The following ARHGEF26 variants were observed in gnomAD, a reference collection of about 807,000 sequenced individuals.
ARHGEF26 encodes Rho guanine nucleotide exchange factor 26.
Under a neutral mutation model 89.4 loss-of-function variants are expected in ARHGEF26, and 59 were observed. That is an observed-to-expected ratio of 0.66 (90% CI 0.54 to 0.82). The LOEUF (loss-of-function observed/expected upper bound fraction) is 0.82, where lower values mean the gene tolerates loss of function less well. Among genes scored for constraint, ARHGEF26 ranks in the 40% least tolerant of loss-of-function variants. ARHGEF26 has a pLI of 0.00. For missense variants in ARHGEF26, 1,234 were observed against 1,085.6 expected (o/e 1.14, Z -1.92); for synonymous variants, 500 against 428.4 (o/e 1.17, Z -2.06).
Position 154,256,733 on chromosome 3 carries a change from A to T in ARHGEF26, c.*1260A>T. ...AAATTAGGCCTTAAAAGATACCAAG[A>T]AGTCAGCATGGTACCCAATTGAAAC... On this transcript the variant is annotated 3_prime_UTR_variant, in exon 15 of 15. Transcript: ENST00000465093. The T allele has an allele frequency of 7.2e-7, 1 of 1,379,502 alleles. No individual in the cohort carries two copies. The allele number at this position is 1,379,502 out of a possible 1,614,324, so 85.5% of individuals were successfully genotyped here. A position where few individuals can be genotyped will look rare whatever the true frequency, so the allele number is the denominator to read the frequency against.
intron 9 of ARHGEF26, among the ~76,000 whole-genome samples, chr3:154,208,607 C>T (rs1005301160): frequency 2.6e-5 from 4 of 151,982 alleles, no homozygotes; most frequent in Non-Finnish European, 5.9e-5. Flanking sequence ...TTTCTAGCTC[C>T]TGTAGCCATG....
At chr3:154,140,099 A>G (rs936094853) in intron 4 of ARHGEF26, among the ~76,000 whole-genome samples, 1 of 33,676 alleles carries the variant, frequency 3.0e-5, no homozygotes, top group African/African-American at 2.2e-4. Flanking sequence ...CCTTATATCC[A>G]CATGGGTCCA....
chr3:154,203,007 T>A (rs554082463), intron 9 of ARHGEF26, among the ~76,000 whole-genome samples: 1 of 152,306 alleles, frequency 6.6e-6, no homozygotes, highest in South Asian at 2.1e-4. Flanking sequence ...TCCTGCCTGA[T>A]TGCCCTGGTC....
intron 4 of ARHGEF26, among the ~76,000 whole-genome samples, chr3:154,140,059 T>G (rs547480954): frequency 8.8e-4 from 134 of 151,896 alleles, no homozygotes; most frequent in African/African-American, 2.9e-3. Flanking sequence ...GGAGTCTGAT[T>G]GTTGTGTGCC....
intron 11 of ARHGEF26, among the ~76,000 whole-genome samples, chr3:154,227,332 G>A (rs1174935331): frequency 7.5e-6 from 1 of 133,210 alleles, no homozygotes; most frequent in African/African-American, 2.9e-5. Context: ...GTCTTGCTGT[G>A]TCCCACAGGC....
At chr3:154,128,765 C>A (rs886501265) in intron 3 of ARHGEF26, among the ~76,000 whole-genome samples, 5 of 152,162 alleles carry the variant, frequency 3.3e-5, no homozygotes, top group Admixed American at 1.3e-4. Flanking sequence ...ACTTTCTCAC[C>A]TGTTCTATGT....
At chr3:154,152,284 A>C (rs1720069147) in intron 5 of ARHGEF26, among the ~76,000 whole-genome samples, 1 of 152,210 alleles carries the variant, frequency 6.6e-6, no homozygotes. Context: ...GATTAAGCAT[A>C]GGGAGAGGAA....
At chr3:154,160,877 A>C (rs922172045) in intron 6 of ARHGEF26, among the ~76,000 whole-genome samples, 5 of 152,212 alleles carry the variant, frequency 3.3e-5, no homozygotes, top group South Asian at 2.1e-4. Context: ...GTTTCATGCA[A>C]ATCTGTTTGA....
rs950026047 is a variant in ARHGEF26, at chr3:154,157,158, T to G, written c.1487+4226T>G. On this transcript the variant is annotated intron_variant, in intron 6 of 14. Coordinates refer to ENST00000465093, the MANE Select transcript of ARHGEF26 (RefSeq NM_015595.4). ...AGTAGTATGTCTCTGCAAAATTCTT[T>G]TCTTCTTTTAAAACATTTCTCATTT... Among the ~76,000 whole-genome samples the G allele has an allele frequency of 4.1e-5, 6 of 144,714 alleles. No individual in the cohort carries two copies. In the East Asian group the frequency reaches 6.3e-4, roughly 15 times the overall value. The allele number at this position is 144,714 out of a possible 152,430, so 94.9% of individuals were successfully genotyped here.
At chr3:154,125,703 A>G (rs1368243595) in intron 3 of ARHGEF26, among the ~76,000 whole-genome samples, 3 of 152,150 alleles carry the variant, frequency 2.0e-5, no homozygotes, top group South Asian at 2.1e-4. Context: ...CATTATAACT[A>G]GTTTTACGTT....
At chr3:154,182,953 G>C (rs1713276457) in intron 6 of ARHGEF26, among the ~76,000 whole-genome samples, 1 of 152,110 alleles carries the variant, frequency 6.6e-6, no homozygotes, top group South Asian at 2.1e-4. Context: ...AAAAATCCCT[G>C]CAGTTTTAAA....
intron 12 of ARHGEF26, among the ~76,000 whole-genome samples, chr3:154,252,426 C>G (rs1208526973): frequency 6.6e-6 from 1 of 152,110 alleles, no homozygotes; most frequent in African/African-American, 2.4e-5. Flanking sequence ...AAATAAAAAA[C>G]CAGGGTGACT....
intron 6 of ARHGEF26, among the ~76,000 whole-genome samples, chr3:154,182,644 C>G (rs1259474739): frequency 6.6e-6 from 1 of 152,124 alleles, no homozygotes; most frequent in Non-Finnish European, 1.5e-5. Context: ...CTTTGCAGTT[C>G]CAGCTGCTAC....
intron 5 of ARHGEF26, among the ~76,000 whole-genome samples, chr3:154,151,327 A>G (rs1274147623): frequency 2.0e-5 from 3 of 152,208 alleles, no homozygotes; most frequent in Non-Finnish European, 2.9e-5. Context: ...ATTCAGCAAT[A>G]TTAATTTTTG....
At chr3:154,124,652 TA>T (rs1718220540) in intron 3 of ARHGEF26, among the ~76,000 whole-genome samples, 1 of 152,192 alleles carries the variant, frequency 6.6e-6, no homozygotes, top group Non-Finnish European at 1.5e-5. Context: ...GCATTTTTTA[TA>T]GGCTGATAAC....
chr3:154,139,018 G>GGTCA (rs1719190812), intron 4 of ARHGEF26, among the ~76,000 whole-genome samples: 1 of 152,184 alleles, frequency 6.6e-6, no homozygotes, highest in South Asian at 2.1e-4. Flanking sequence ...GGCAAGGTGC[G>GGTCA]GTCAGTGGAG....
At position 154,177,614 on chromosome 3, in the gene ARHGEF26, G is replaced by A. The variant is rs529471750; in HGVS notation, c.1488-10071G>A. 2.1e-4 allele frequency among the ~76,000 whole-genome samples: 32 copies of A among 152,226 alleles called. 1 individual carries two copies. The South Asian group carries it at 6.0e-3, about 29-fold the overall frequency. On this transcript the variant is annotated intron_variant, in intron 6 of 14. Transcript: ENST00000465093. ...CCATTTGGATCTATAGAGTGGTTTC[G>A]GATTGTGTTCCATCAGGCCTGGAAT...
intron 9 of ARHGEF26, among the ~76,000 whole-genome samples, chr3:154,216,221 A>T (rs994841391): frequency 2.0e-5 from 3 of 151,782 alleles, no homozygotes; most frequent in Non-Finnish European, 4.4e-5. Flanking sequence ...ATGGCAAATG[A>T]CTCTAATATG....
chr3:154,159,977 A>G (rs561533942), intron 6 of ARHGEF26, among the ~76,000 whole-genome samples: 12 of 152,264 alleles, frequency 7.9e-5, no homozygotes, highest in Admixed American at 2.0e-4. Context: ...TACTCCATAT[A>G]TACTCAAGAT....
Sources: allele counts gnomAD v4.1 joint callset (sites outside exome capture counted in the v4.1 genomes callset), GRCh38; gene constraint gnomAD v4.1.1; transcripts MANE v1.5; gene names NCBI Gene and HGNC (gene_info 2026-07-23, HGNC 2026-07-21).